Variants in ITPK1 observed in about 807,000 individuals in gnomAD.
ITPK1 encodes the protein inositol 1,3,4-trisphosphate 5/6-kinase.
Under a neutral mutation model 45.3 loss-of-function variants are expected in ITPK1, and 21 were observed. The ratio of observed to expected loss-of-function variants is 0.46; its 90% CI spans 0.33 to 0.67. The LOEUF is 0.67. Ranked by LOEUF, ITPK1 falls within the 30% of genes least tolerant of loss-of-function variation. The probability of loss-of-function intolerance (pLI) is 0.02; values close to 1 mark genes in which losing one functional copy is unlikely to be tolerated. For synonymous variants in ITPK1, 258 were observed against 253.6 expected (o/e 1.02, Z -0.16); for missense variants, 474 against 573.5 (o/e 0.83, Z 1.77).
At chr14:92,976,819 C>G (rs1885966443) in intron 5 of ITPK1, among the ~76,000 whole-genome samples, 1 of 152,236 alleles carries the variant, frequency 6.6e-6, no homozygotes, top group Non-Finnish European at 1.5e-5. Context: ...ATACCCTTGA[C>G]TGCTGGGCAA....
intron 3 of ITPK1, among the ~76,000 whole-genome samples, chr14:93,060,401 CA>C (rs1890467942): frequency 6.6e-6 from 1 of 152,150 alleles, no homozygotes; most frequent in Admixed American, 6.5e-5. Context: ...GGTCAGAAGA[CA>C]GGGAGCAAAT....
rs913500351 is a variant in ITPK1, at chr14:93,101,102, G to T, written c.95+13967C>A. On this transcript the variant is annotated intron_variant, in intron 2 of 10. Coordinates refer to ENST00000267615, the MANE Select transcript of ITPK1 (RefSeq NM_014216.6). ...TCAACAAAAATAACTCATCCTGGCC[G>T]GGATGGGGTCCACCAATCATGGCCC... 3.9e-5 allele frequency among the ~76,000 whole-genome samples: 6 copies of T among 152,156 alleles called. No homozygotes were observed. In the East Asian group the frequency reaches 7.7e-4, roughly 20 times the overall value.
intron 3 of ITPK1, among the ~76,000 whole-genome samples, chr14:93,046,846 C>A (rs868281869): frequency 6.6e-6 from 1 of 152,214 alleles, no homozygotes; most frequent in East Asian, 1.9e-4. Context: ...AAGCTCTGCT[C>A]GGTGGAACTC....
chr14:93,024,482 G>C (rs912918118), intron 3 of ITPK1, among the ~76,000 whole-genome samples: 1 of 152,202 alleles, frequency 6.6e-6, no homozygotes, highest in African/African-American at 2.4e-5. Context: ...ACCTCCCTCT[G>C]TGACTAGAGC....
rs530096242 is a variant in ITPK1 at position 93,066,306 on chromosome 14, A to ATG, written c.120+10287_120+10288dup. ...GGTGTGCGTGCGTGTGTGCGCGTGC[A>ATG]TGTGTGTGTGTGTATGTGTGTGTGT... On this transcript the variant is annotated intron_variant, in intron 3 of 10. Transcript: ENST00000267615. 1.5e-3 allele frequency: 673 copies of ATG among 435,818 alleles called. 2 individuals are homozygous for ATG. Among genetic ancestry groups the ATG allele is most frequent in the South Asian group, 6.4e-3 (391 of 61,256 alleles). The allele number at this position is 435,818 out of a possible 1,614,324, so 27.0% of individuals were successfully genotyped here.
At chr14:93,080,183 C>T (rs1354745868) in intron 2 of ITPK1, among the ~76,000 whole-genome samples, 2 of 152,284 alleles carry the variant, frequency 1.3e-5, no homozygotes, top group East Asian at 3.9e-4. Context: ...GTGTTAAGAA[C>T]AACATCCAGG....
intron 4 of ITPK1, among the ~76,000 whole-genome samples, chr14:93,000,427 T>A (rs1887278664): frequency 6.6e-6 from 1 of 152,208 alleles, no homozygotes; most frequent in South Asian, 2.1e-4. Flanking sequence ...GCCCCATGGT[T>A]TACAGAGCAA....
At chr14:92,977,437 C>T (rs1317242574) in intron 5 of ITPK1, among the ~76,000 whole-genome samples, 1 of 152,220 alleles carries the variant, frequency 6.6e-6, no homozygotes, top group Non-Finnish European at 1.5e-5. Context: ...GTCCATCTAC[C>T]TACCATGACA....
At chr14:92,954,808 A>C (rs985672076) in intron 8 of ITPK1, among the ~76,000 whole-genome samples, 1 of 152,152 alleles carries the variant, frequency 6.6e-6, no homozygotes, top group African/African-American at 2.4e-5. Flanking sequence ...TGGTGACCCA[A>C]GTCATCTTCC....
rs77985632 is a variant in ITPK1, at chr14:93,048,380, G to A, written c.120+28215C>T. On this transcript the variant is annotated intron_variant, in intron 3 of 10. Transcript: ENST00000267615. ...AGAATCATGAGTGAAGATGTGTCTG[G>A]TTTTAAGTGGTGACTAAAAATGGCT... 5.1e-3 allele frequency among the ~76,000 whole-genome samples: 775 copies of A among 152,348 alleles called. 7 individuals carry two copies. Among genetic ancestry groups the A allele is most frequent in the African/African-American group, 0.016 (675 of 41,570 alleles).
At position 92,962,357 on chromosome 14, in the gene ITPK1, C is replaced by A; in HGVS notation, c.502G>T (p.Glu168Ter). 6.2e-7 allele frequency: 1 copy of A among 1,607,986 alleles called. No individual in the cohort carries two copies. Among genetic ancestry groups the A allele is most frequent in the Non-Finnish European group, 8.5e-7 (1 of 1,174,464 alleles). The change falls in exon 7 of 11, where the codon GAG (glutamate) becomes TAG (stop). Residue 168 changes from glutamate (E) to a stop codon, truncating the protein, a stop_gained and splice_region_variant. Coordinates refer to ENST00000267615, the MANE Select transcript of ITPK1 (RefSeq NM_014216.6). LOFTEE classifies it high-confidence loss of function. ...TRVAHGTNSH[E>*]MAIVFNQEGL... ...CAGTCAGATCTTCTTCCACTCACCTCGTGAGAGTTGGTGCCATGAGCCACT... is the reference window on the plus strand; with the variant it reads ...CAGTCAGATCTTCTTCCACTCACCTAGTGAGAGTTGGTGCCATGAGCCACT...
At chr14:93,089,996 G>A (rs918350323) in intron 2 of ITPK1, among the ~76,000 whole-genome samples, 1 of 152,108 alleles carries the variant, frequency 6.6e-6, no homozygotes, top group African/African-American at 2.4e-5. Flanking sequence ...CACTCCCTGA[G>A]ACACACAGCT....
At chr14:92,964,253 A>T (rs987307517) in intron 5 of ITPK1, among the ~76,000 whole-genome samples, 2 of 152,184 alleles carry the variant, frequency 1.3e-5, no homozygotes, top group Non-Finnish European at 2.9e-5. Flanking sequence ...ACAGTGTTGC[A>T]GGCCCTCTGC....
At position 92,939,944 on chromosome 14, in the gene ITPK1, G is replaced by A. The variant is rs1397858091; in HGVS notation, c.*1617C>T. The A allele has an allele frequency of 1.2e-5, 12 of 985,762 alleles. No homozygotes were observed. Among genetic ancestry groups the A allele is most frequent in the Non-Finnish European group, 1.3e-5 (11 of 829,956 alleles). 61.1% of individuals were successfully genotyped at this position (985,762 alleles called of 1,614,324 possible). ...GCTTTCCTGTTCCCCAGGGCTCAGG[G>A]TCAGAACTAGGAAAGGTGACGTACA... On this transcript the variant is annotated 3_prime_UTR_variant, in exon 11 of 11. Coordinates refer to ENST00000267615, the MANE Select transcript of ITPK1 (RefSeq NM_014216.6).
Position 93,016,345 on chromosome 14 carries a change from A to T in ITPK1, c.246+331T>A, listed in dbSNP as rs1254117473. On this transcript the variant is annotated intron_variant, in intron 4 of 10. Coordinates refer to ENST00000267615, the MANE Select transcript of ITPK1 (RefSeq NM_014216.6). The surrounding 1 kb of genome is among the most constrained non-coding windows in gnomAD (Gnocchi z 5.0). ...GGGTTCCATCCCTTGTGCCTACCTG[A>T]GCCAGGGGAAAGGGTTGCACATGCC... Among the ~76,000 whole-genome samples the T allele has an allele frequency of 6.6e-6, 1 of 152,154 alleles. No homozygotes were observed. Among genetic ancestry groups the T allele is most frequent in the Non-Finnish European group, 1.5e-5 (1 of 68,018 alleles).
intron 5 of ITPK1, among the ~76,000 whole-genome samples, chr14:92,966,481 T>C (rs977887404): frequency 1.3e-5 from 2 of 152,198 alleles, no homozygotes; most frequent in Non-Finnish European, 2.9e-5. Context: ...ACAAGGCTCA[T>C]TAATAGGAGA....
intron 5 of ITPK1, among the ~76,000 whole-genome samples, chr14:92,970,877 C>T (rs979720596): frequency 1.4e-4 from 22 of 152,116 alleles, no homozygotes; most frequent in Admixed American, 4.6e-4. Flanking sequence ...CCCCGTGATC[C>T]GCCCGCCTCG....
chr14:92,941,999 G>T, intron 10 of ITPK1, 95 bp from the exon 11 acceptor site: 2 of 1,064,880 alleles, frequency 1.9e-6, no homozygotes, highest in Non-Finnish European at 1.4e-6. Context: ...GGGCTCCTGG[G>T]ATGAGGCAGG....
chr14:93,113,436 G>A (rs1466767118), intron 2 of ITPK1, among the ~76,000 whole-genome samples: 1 of 152,202 alleles, frequency 6.6e-6, no homozygotes, highest in African/African-American at 2.4e-5. Flanking sequence ...GCAGACACAA[G>A]ATGACATAAA....
Sources: allele counts gnomAD v4.1 joint callset (sites outside exome capture counted in the v4.1 genomes callset), GRCh38; gene constraint gnomAD v4.1.1; non-coding constraint Gnocchi (gnomAD v3.1); transcripts MANE v1.5; gene names NCBI Gene and HGNC (gene_info 2026-07-23, HGNC 2026-07-21).